Variants in HSD17B3 observed in about 807,000 individuals in gnomAD.
HSD17B3 encodes the protein 17-beta-hydroxysteroid dehydrogenase type 3.
Under a neutral mutation model 41.1 loss-of-function variants are expected in HSD17B3, and 29 were observed. The observed-to-expected ratio is 0.71, with a 90% CI of 0.53 to 0.96. The LOEUF (loss-of-function observed/expected upper bound fraction) is 0.96. Among genes scored for constraint, HSD17B3 ranks in the 40% least tolerant of loss-of-function variants. The probability of loss-of-function intolerance (pLI) is 0.00; values close to 1 mark genes in which losing one functional copy is unlikely to be tolerated. For missense variants in HSD17B3, 323 were observed against 374.6 expected (o/e 0.86, Z 1.14); for synonymous variants, 126 against 145.6 (o/e 0.87, Z 0.97).
At chr9:96,239,417 G>A (rs1587708819) in intron 10 of HSD17B3, 1 of 152,202 alleles carries the variant, frequency 6.6e-6, no homozygotes, top group East Asian at 1.9e-4. Context: ...TGGTGATCTG[G>A]AAAAAGACCA....
At chr9:96,263,340 C>T (rs529233251) in intron 2 of HSD17B3, among the ~76,000 whole-genome samples, 193 of 152,274 alleles carry the variant, frequency 1.3e-3, no homozygotes, top group Non-Finnish European at 2.0e-3. Flanking sequence ...ACAAAGCCTA[C>T]ACTGGTTTGC....
intron 7 of HSD17B3, 129 bp downstream of exon 7, chr9:96,246,427 G>C (rs1414753714): frequency 2.4e-6 from 2 of 825,416 alleles, no homozygotes; most frequent in Non-Finnish European, 4.2e-6. Context: ...ATCACCGTGT[G>C]CTTTCATCAT....
At chr9:96,266,900 T>C (rs1264758267) in intron 2 of HSD17B3, among the ~76,000 whole-genome samples, 1 of 151,802 alleles carries the variant, frequency 6.6e-6, no homozygotes, top group East Asian at 1.9e-4. Flanking sequence ...GGTAAGATGG[T>C]TTTTCTCTGC....
intron 9 of HSD17B3, among the ~76,000 whole-genome samples, chr9:96,241,887 A>T (rs781276762): frequency 9.1e-4 from 138 of 151,274 alleles, no homozygotes; most frequent in Non-Finnish European, 1.6e-3. Flanking sequence ...GTGAGCCAAG[A>T]TCGTGCCACT....
intron 5 of HSD17B3, chr9:96,250,226 A>G: frequency 3.6e-6 from 4 of 1,122,494 alleles, no homozygotes; most frequent in Non-Finnish European, 4.4e-6. Flanking sequence ...GACCAAAGAT[A>G]AAGAGAAAGG....
chr9:96,291,882 G>A (rs946911536), intron 2 of HSD17B3, among the ~76,000 whole-genome samples: 35 of 152,086 alleles, frequency 2.3e-4, no homozygotes, highest in Admixed American at 2.6e-4. Flanking sequence ...ACTTGAACCC[G>A]GGAGGCAGAG....
At chr9:96,264,533 G>T (rs965968367) in intron 2 of HSD17B3, among the ~76,000 whole-genome samples, 18 of 152,012 alleles carry the variant, frequency 1.2e-4, no homozygotes, top group African/African-American at 3.9e-4. Context: ...TTGGTTGGTT[G>T]GTTTGTTTGT....
chr9:96,281,712 C>T (rs1477995275), intron 2 of HSD17B3, among the ~76,000 whole-genome samples: 1 of 152,120 alleles, frequency 6.6e-6, no homozygotes, highest in African/African-American at 2.4e-5. Context: ...GGAACTTTTT[C>T]CTCCCTAAAA....
intron 8 of HSD17B3, 119 bp from the exon 9 acceptor site, chr9:96,244,513 G>T: frequency 1.1e-6 from 1 of 899,680 alleles, no homozygotes; most frequent in East Asian, 2.4e-5. Flanking sequence ...AAATAGAGTG[G>T]GGAGCTCTGG....
intron 2 of HSD17B3, among the ~76,000 whole-genome samples, chr9:96,293,643 CTGTGTGTCTGTGTGTGTA>C (rs1199306400): frequency 1.3e-5 from 2 of 150,206 alleles, no homozygotes; most frequent in Admixed American, 1.3e-4. Flanking sequence ...CTCTATGTGT[CTGTGTGTCTGTGTGTGTA>C]TGTGTGTGTG....
At chr9:96,272,433 AT>A (rs1564048523) in intron 2 of HSD17B3, among the ~76,000 whole-genome samples, 17 of 87,034 alleles carry the variant, frequency 2.0e-4, no homozygotes, top group South Asian at 1.5e-3. Flanking sequence ...ATATATATAT[AT>A]ATATATATAT....
chr9:96,282,879 T>A (rs1011453400), intron 2 of HSD17B3, among the ~76,000 whole-genome samples: 1 of 151,774 alleles, frequency 6.6e-6, no homozygotes, highest in Non-Finnish European at 1.5e-5. Flanking sequence ...GTGAAAAAAA[T>A]TAATATTGTA....
At chr9:96,293,271 C>CT (rs1177406275) in intron 2 of HSD17B3, among the ~76,000 whole-genome samples, 2 of 152,284 alleles carry the variant, frequency 1.3e-5, no homozygotes, top group Admixed American at 6.5e-5. Context: ...AATTAGTAGA[C>CT]TTTGAGTAAA....
At chr9:96,299,940 C>T (rs1051986398) in intron 1 of HSD17B3, among the ~76,000 whole-genome samples, 81 of 152,254 alleles carry the variant, frequency 5.3e-4, no homozygotes, top group African/African-American at 1.9e-3. Context: ...CTCTATCCAT[C>T]TTGACTCATA....
chr9:96,293,909 T>G (rs1164551475), intron 2 of HSD17B3, among the ~76,000 whole-genome samples: 2 of 152,172 alleles, frequency 1.3e-5, no homozygotes, highest in Non-Finnish European at 1.5e-5. Context: ...ATGTGGAAAT[T>G]CAGCCAGTGA....
chr9:96,275,534 C>A (rs1236208242), intron 2 of HSD17B3, among the ~76,000 whole-genome samples: 1 of 151,470 alleles, frequency 6.6e-6, no homozygotes, highest in Non-Finnish European at 1.5e-5. Flanking sequence ...GAGCCAAGAT[C>A]ATGCCACTGC....
intron 1 of HSD17B3, among the ~76,000 whole-genome samples, chr9:96,300,252 A>ACG (rs1432577651): frequency 6.7e-6 from 1 of 150,270 alleles, no homozygotes; most frequent in African/African-American, 2.5e-5. Context: ...ACACACACAC[A>ACG]CGCACACAGC....
rs79359375 is a variant in HSD17B3, at chr9:96,294,388, T to C, written c.201+4028A>G. 9.1e-3 allele frequency among the ~76,000 whole-genome samples: 1,392 copies of C among 152,284 alleles called. 29 individuals are homozygous for C. The highest frequency in any genetic ancestry group is 0.066 in the South Asian group (318 of 4,816). On this transcript the variant is annotated intron_variant, in intron 2 of 10. Coordinates refer to ENST00000375263, the MANE Select transcript of HSD17B3 (RefSeq NM_000197.2). ...GAATGGATGTGTAACTTGTCCAAAA[T>C]CTCCAGACAGCATCATGGTGAAGAC...
chr9:96,270,078 G>A (rs982122731), intron 2 of HSD17B3, among the ~76,000 whole-genome samples: 5 of 152,062 alleles, frequency 3.3e-5, no homozygotes, highest in African/African-American at 1.2e-4. Context: ...TACATGTGTC[G>A]GGGTGAGGGA....
Sources: gnomAD v4.1 joint callset for allele counts (sites outside exome capture counted in the v4.1 genomes callset) on GRCh38, gnomAD v4.1.1 for gene constraint, MANE v1.5 for transcripts, NCBI Gene and HGNC (gene_info 2026-07-23, HGNC 2026-07-21) for gene names.